Variants in RARB observed in about 807,000 individuals in gnomAD.
The protein encoded by RARB is HBV-activated protein.
RARB carries 17 observed loss-of-function variants against 51.9 expected under a neutral mutation model. That is an observed-to-expected ratio of 0.33 (90% CI 0.22 to 0.49). The LOEUF is 0.49. Ranked by LOEUF, RARB falls within the 20% of genes least tolerant of loss-of-function variation. The probability of loss-of-function intolerance (pLI) is 0.99; values close to 1 mark genes in which losing one functional copy is unlikely to be tolerated. For missense variants in RARB, 369 were observed against 550.8 expected, an observed-to-expected ratio of 0.67 and a Z score of 3.30; for synonymous variants, 215 against 195.4, an observed-to-expected ratio of 1.10 and a Z score of -0.84.
intron 2 of RARB, among the ~76,000 whole-genome samples, chr3:24,936,062 T>C (rs979260094): frequency 6.6e-6 from 1 of 152,168 alleles, no homozygotes; most frequent in African/African-American, 2.4e-5. Context: ...ATCCAAAACA[T>C]ACCTTTTTAG....
chr3:25,128,524 T>C (rs1359313374), intron 3 of RARB, among the ~76,000 whole-genome samples: 1 of 150,804 alleles, frequency 6.6e-6, no homozygotes, highest in African/African-American at 2.4e-5. Flanking sequence ...TCACTTTTTT[T>C]GTACTTTTGG....
At chr3:25,032,413 GC>G (rs745803316) in intron 2 of RARB, among the ~76,000 whole-genome samples, 10 of 152,184 alleles carry the variant, frequency 6.6e-5, no homozygotes, top group Non-Finnish European at 1.2e-4. Flanking sequence ...TAGTTGAAGT[GC>G]TACATAAATG....
chr3:24,861,725 C>T (rs545244564), intron 2 of RARB, among the ~76,000 whole-genome samples: 1 of 152,178 alleles, frequency 6.6e-6, no homozygotes, highest in Non-Finnish European at 1.5e-5. Flanking sequence ...GTATCTGCTT[C>T]TGCATTCAAG....
At chr3:25,221,875 A>G (rs1231539517) in intron 5 of RARB, among the ~76,000 whole-genome samples, 5 of 152,178 alleles carry the variant, frequency 3.3e-5, no homozygotes, top group Admixed American at 3.3e-4. Context: ...TTCCAAGTGT[A>G]TAGGGTACAG....
chr3:25,316,264 C>T (rs1704421779), intron 5 of RARB, among the ~76,000 whole-genome samples: 1 of 151,928 alleles, frequency 6.6e-6, no homozygotes, highest in South Asian at 2.1e-4. Context: ...TAATTTTTCT[C>T]CATAATTGAC....
chr3:25,078,876 C>G (rs1272681701), intron 3 of RARB, among the ~76,000 whole-genome samples: 1 of 152,062 alleles, frequency 6.6e-6, no homozygotes, highest in Non-Finnish European at 1.5e-5. Flanking sequence ...ATTCTGGGTT[C>G]TTTGCATTTT....
intron 4 of RARB, among the ~76,000 whole-genome samples, chr3:25,135,905 A>G (rs1360507772): frequency 6.6e-6 from 1 of 150,678 alleles, no homozygotes; most frequent in Non-Finnish European, 1.5e-5. Context: ...TAATTTGTCA[A>G]GAAAAGCTTA....
intron 2 of RARB, among the ~76,000 whole-genome samples, chr3:24,935,669 A>C (rs1695533847): frequency 6.6e-6 from 1 of 152,190 alleles, no homozygotes; most frequent in Non-Finnish European, 1.5e-5. Context: ...GAGTAAGACG[A>C]CTTATGATGG....
chr3:25,400,382 C>A (rs1707232342), intron 5 of RARB, among the ~76,000 whole-genome samples: 1 of 152,118 alleles, frequency 6.6e-6, no homozygotes, highest in Non-Finnish European at 1.5e-5. Context: ...AACTCATGAT[C>A]TGGTAAGGGG....
chr3:24,925,472 G>T (rs1695299046), intron 2 of RARB, among the ~76,000 whole-genome samples: 1 of 151,644 alleles, frequency 6.6e-6, no homozygotes, highest in Non-Finnish European at 1.5e-5. Flanking sequence ...GCAAAACCCT[G>T]TCTCTACAAT....
In RARB at chr3:25,454,964, AAG is replaced by A; in HGVS notation, c.158-6227_158-6226del. Among the ~76,000 whole-genome samples the A allele has an allele frequency of 1.3e-5, 2 of 152,210 alleles. 1 individual carries two copies. The highest frequency in any genetic ancestry group is 1.3e-4 in the Admixed American group (2 of 15,288). On this transcript the variant is annotated intron_variant, in intron 1 of 7. Transcript: ENST00000330688. ...CAACCCAAGAGCTGTGGCAGTGTTTAAGAAAGCTTCGTCAGTGGGAACTCGGG... is the reference window on the plus strand; with the variant it reads ...CAACCCAAGAGCTGTGGCAGTGTTTAAAAGCTTCGTCAGTGGGAACTCGGG...
intron 3 of RARB, among the ~76,000 whole-genome samples, chr3:25,129,828 C>A (rs1452269693): frequency 2.0e-5 from 3 of 152,036 alleles, no homozygotes; most frequent in East Asian, 1.9e-4. Flanking sequence ...AACTATACAC[C>A]TTTTGGTGCA....
At chr3:25,342,368 C>T (rs1477325890) in intron 5 of RARB, among the ~76,000 whole-genome samples, 1 of 152,188 alleles carries the variant, frequency 6.6e-6, no homozygotes, top group Admixed American at 6.5e-5. Context: ...TTCAAAAAAT[C>T]TCTGGGAGTT....
intron 3 of RARB, among the ~76,000 whole-genome samples, chr3:25,103,320 T>C (rs1238332152): frequency 2.0e-5 from 3 of 152,202 alleles, no homozygotes; most frequent in African/African-American, 7.2e-5. Context: ...TATGCACCGT[T>C]GTAAGTGACA....
chr3:24,987,776 C>T (rs1190888935), intron 2 of RARB, among the ~76,000 whole-genome samples: 2 of 152,220 alleles, frequency 1.3e-5, no homozygotes, highest in African/African-American at 2.4e-5. Flanking sequence ...ACACAGACCT[C>T]TTTCAGCCCC....
chr3:25,461,588 C>A (rs1384078298), intron 2 of RARB, among the ~76,000 whole-genome samples: 2 of 152,142 alleles, frequency 1.3e-5, no homozygotes, highest in Admixed American at 1.3e-4. Flanking sequence ...CATAATAATT[C>A]CTTTTAGATA....
chr3:25,365,053 G>A (rs908999328), intron 5 of RARB, among the ~76,000 whole-genome samples: 6 of 151,976 alleles, frequency 3.9e-5, no homozygotes, highest in Admixed American at 1.3e-4. Flanking sequence ...GGGATATCTA[G>A]AAATTTCCCA....
chr3:24,897,079 A>C (rs892083231), intron 2 of RARB, among the ~76,000 whole-genome samples: 1 of 152,206 alleles, frequency 6.6e-6, no homozygotes, highest in Non-Finnish European at 1.5e-5. Flanking sequence ...TCTGACACTT[A>C]TGTCTAAATT....
intron 5 of RARB, among the ~76,000 whole-genome samples, chr3:25,356,684 G>A (rs12631631): frequency 0.34 from 51,065 of 151,808 alleles, 9,255 homozygotes; most frequent in East Asian, 0.76. Context: ...TCCCTGACAG[G>A]CCCTGAAGTA....
Sources: allele counts gnomAD v4.1 joint callset (sites outside exome capture counted in the v4.1 genomes callset), GRCh38; gene constraint gnomAD v4.1.1; transcripts MANE v1.5; gene names NCBI Gene and HGNC (gene_info 2026-07-23, HGNC 2026-07-21).